The following DAB1 variants were observed in gnomAD, a reference collection of about 807,000 sequenced individuals.
The protein encoded by DAB1 is disabled homolog 1.
In DAB1, 15 loss-of-function variants were observed where a neutral mutation model predicts 64.6. The observed-to-expected ratio is 0.23, with a 90% confidence interval of 0.16 to 0.36. The LOEUF (loss-of-function observed/expected upper bound fraction) is 0.36, where lower values mean the gene tolerates loss of function less well. DAB1 is among the 10% of genes least tolerant of loss of function. The probability of loss-of-function intolerance (pLI) is 1.00; values close to 1 mark genes in which losing one functional copy is unlikely to be tolerated. For missense variants in DAB1, 596 were observed against 706.7 expected (o/e 0.84, Z 1.78); for synonymous variants, 235 against 251.9 (o/e 0.93, Z 0.64).
chr1:57,727,772 C>T (rs1647247718), intron 6 of DAB1, among the ~76,000 whole-genome samples: 1 of 149,506 alleles, frequency 6.7e-6, no homozygotes, highest in Non-Finnish European at 1.5e-5. Context: ...TTCCTCTCTC[C>T]CCTTCTCTCC....
chr1:57,987,915 G>T lies in DAB1; in HGVS notation n.388-103753C>A, dbSNP rs148284772. Among the ~76,000 whole-genome samples, 193 of 152,036 alleles carry T rather than the reference G, an allele frequency of 1.3e-3. 1 individual carries two copies. The highest frequency in any genetic ancestry group is 2.1e-3 in the Non-Finnish European group (140 of 67,964). On this transcript the variant is annotated intron_variant and non_coding_transcript_variant, in intron 5 of 20. Transcript: ENST00000485760. ...GAAGAAAAAGCAGCAAAGACAACGA[G>T]TATACTTGGGATGCGATCGCATGCC...
At chr1:58,334,574 C>G (rs1663055815) in intron 4 of DAB1, among the ~76,000 whole-genome samples, 1 of 149,550 alleles carries the variant, frequency 6.7e-6, no homozygotes, top group South Asian at 2.1e-4. Context: ...GCAATAGAGC[C>G]TTTGAGCTAT....
chr1:57,344,901 T>TTTGGA (rs1202602312), intron 1 of DAB1, among the ~76,000 whole-genome samples: 2 of 152,140 alleles, frequency 1.3e-5, no homozygotes, highest in Non-Finnish European at 2.9e-5. Context: ...ACAGCATGCA[T>TTTGGA]GGAATACCTT....
intron 5 of DAB1, among the ~76,000 whole-genome samples, chr1:57,991,618 C>T (rs373581423): frequency 5.3e-5 from 8 of 152,096 alleles, no homozygotes; most frequent in African/African-American, 9.6e-5. Flanking sequence ...TAGGCCAAGA[C>T]GGGTGGATCA....
At chr1:57,429,474 T>A (rs966974162) in intron 7 of DAB1, among the ~76,000 whole-genome samples, 1 of 152,204 alleles carries the variant, frequency 6.6e-6, no homozygotes, top group Non-Finnish European at 1.5e-5. Context: ...TCCTTTGCTA[T>A]GAAAAAGTTT....
At chr1:57,599,196 T>C (rs72908554) in intron 7 of DAB1, among the ~76,000 whole-genome samples, 1,915 of 149,322 alleles carry the variant, frequency 0.013, 53 homozygotes, top group African/African-American at 0.045. Flanking sequence ...TTTTTTTTTT[T>C]CTAGGAATGA....
intron 4 of DAB1, among the ~76,000 whole-genome samples, chr1:58,168,207 C>T (rs1357220068): frequency 1.3e-5 from 2 of 152,272 alleles, no homozygotes; most frequent in South Asian, 2.1e-4. Flanking sequence ...ATCCCCAGCT[C>T]TTCAGAGTTG....
chr1:58,480,337 C>T lies in DAB1; in HGVS notation n.257+25723G>A, dbSNP rs1429806310. 2.6e-5 allele frequency among the ~76,000 whole-genome samples: 4 copies of T among 152,086 alleles called. No individual in the cohort carries two copies. In the South Asian group the frequency reaches 8.3e-4, roughly 32 times the overall value. Reference sequence around the variant, plus strand: ...AAACTTCTGTTAAGATTTCAGTGCACCAGGAACACGCTGTATCTCTGTGGA... The same window carrying T: ...AAACTTCTGTTAAGATTTCAGTGCATCAGGAACACGCTGTATCTCTGTGGA... On this transcript the variant is annotated intron_variant and non_coding_transcript_variant, in intron 3 of 20. Transcript: ENST00000485760.
intron 12 of DAB1, among the ~76,000 whole-genome samples, 181 bp downstream of exon 12, chr1:57,014,702 G>A (rs765475455): frequency 6.6e-6 from 1 of 152,124 alleles, no homozygotes; most frequent in Non-Finnish European, 1.5e-5. Flanking sequence ...TATGAAGAAG[G>A]TTTGTATGTT....
intron 7 of DAB1, among the ~76,000 whole-genome samples, chr1:57,635,824 G>T (rs542179089): frequency 6.6e-6 from 1 of 152,038 alleles, no homozygotes; most frequent in Non-Finnish European, 1.5e-5. Flanking sequence ...GGCCAGGTGC[G>T]GTGGCTCACG....
intron 5 of DAB1, among the ~76,000 whole-genome samples, chr1:57,992,505 C>A (rs1364477742): frequency 6.6e-6 from 1 of 152,048 alleles, no homozygotes; most frequent in African/African-American, 2.4e-5. Flanking sequence ...AATTTTGCTC[C>A]CTGCACTTTC....
At chr1:57,045,863 G>T (rs186385243) in intron 9 of DAB1, among the ~76,000 whole-genome samples, 1 of 152,262 alleles carries the variant, frequency 6.6e-6, no homozygotes, top group East Asian at 1.9e-4. Context: ...TTCTATGATA[G>T]GCAGGAAGAT....
At chr1:57,060,020 A>G (rs1188346679) in intron 9 of DAB1, among the ~76,000 whole-genome samples, 4 of 152,198 alleles carry the variant, frequency 2.6e-5, no homozygotes, top group African/African-American at 9.6e-5. Context: ...CAAAATTTCT[A>G]GTGCATTTCC....
chr1:57,112,985 C>T (rs1394085917), intron 4 of DAB1, among the ~76,000 whole-genome samples: 1 of 152,064 alleles, frequency 6.6e-6, no homozygotes, highest in Admixed American at 6.6e-5. Flanking sequence ...AATAGAATGG[C>T]AACAGTGGCA....
At chr1:58,225,530 C>T (rs1014774594) in intron 4 of DAB1, among the ~76,000 whole-genome samples, 16 of 151,830 alleles carry the variant, frequency 1.1e-4, no homozygotes, top group Admixed American at 9.2e-4. Context: ...TATTGCGGCA[C>T]TATTCACAAT....
At chr1:58,370,065 A>G (rs1644250517) in intron 3 of DAB1, among the ~76,000 whole-genome samples, 1 of 152,228 alleles carries the variant, frequency 6.6e-6, no homozygotes, top group South Asian at 2.1e-4. Flanking sequence ...ATTTAGAGAT[A>G]TGCCTCAGGC....
At chr1:57,376,352 C>A (rs1350329611) in intron 1 of DAB1, among the ~76,000 whole-genome samples, 1 of 152,216 alleles carries the variant, frequency 6.6e-6, no homozygotes, top group Non-Finnish European at 1.5e-5. Flanking sequence ...TGGGAACTGT[C>A]ACAGTTAAGC....
At chr1:58,061,705 C>T (rs539225677) in intron 5 of DAB1, among the ~76,000 whole-genome samples, 41 of 152,296 alleles carry the variant, frequency 2.7e-4, no homozygotes, top group Admixed American at 2.4e-3. Flanking sequence ...CCACCCATAA[C>T]ATTCTCTAAG....
chr1:57,151,807 A>ATTTTTTTTTTT (rs34012935), intron 2 of DAB1, among the ~76,000 whole-genome samples: 2 of 106,252 alleles, frequency 1.9e-5, no homozygotes, highest in African/African-American at 3.9e-5. Context: ...CTAATGTTTA[A>ATTTTTTTTTTT]TTTTTTTTTT....
Sources: allele counts gnomAD v4.1 joint callset (sites outside exome capture counted in the v4.1 genomes callset), GRCh38; gene constraint gnomAD v4.1.1; transcripts MANE v1.5; gene names NCBI Gene and HGNC (gene_info 2026-07-23, HGNC 2026-07-21).